NSD1: variants seen among roughly 807,000 people sequenced by gnomAD.
NSD1 encodes the protein nuclear receptor binding SET domain protein 1.
Under a neutral mutation model 242.7 loss-of-function variants are expected in NSD1, and 26 were observed. The observed-to-expected ratio is 0.11, with a 90% confidence interval of 0.08 to 0.15. NSD1 has a LOEUF of 0.15. NSD1 is among the 10% of genes least tolerant of loss of function. The probability of loss-of-function intolerance (pLI) is 1.00; values close to 1 mark genes in which losing one functional copy is unlikely to be tolerated. For synonymous variants in NSD1, 1,106 were observed against 1,178.1 expected (o/e 0.94, Z 1.25); for missense variants, 2,495 against 3,272.8 (o/e 0.76, Z 5.80).
At chr5:177,257,519 C>A (rs561458693) in intron 13 of NSD1, among the ~76,000 whole-genome samples, 35 of 152,252 alleles carry the variant, frequency 2.3e-4, no homozygotes, top group African/African-American at 6.7e-4. Context: ...GCGTGAGCCG[C>A]TGCGCCCGGC....
At chr5:177,187,250 A>G (rs1185538003) in intron 2 of NSD1, among the ~76,000 whole-genome samples, 1 of 151,838 alleles carries the variant, frequency 6.6e-6, no homozygotes, top group African/African-American at 2.4e-5. Context: ...GATTACAGGC[A>G]CACACCACCA....
intron 11 of NSD1, among the ~76,000 whole-genome samples, chr5:177,249,520 G>A (rs1755736168): frequency 1.3e-5 from 2 of 151,914 alleles, no homozygotes; most frequent in South Asian, 4.1e-4. Context: ...AGGCTGCAGT[G>A]CAGTGGCGCG....
At chr5:177,152,842 C>T (rs1396131684) in intron 2 of NSD1, among the ~76,000 whole-genome samples, 9 of 150,260 alleles carry the variant, frequency 6.0e-5, no homozygotes, top group Admixed American at 1.3e-4. Flanking sequence ...GTGCCCTCAA[C>T]GCCTGGGTAA....
At chr5:177,212,418 C>T (rs1266115267) in intron 5 of NSD1, among the ~76,000 whole-genome samples, 3 of 151,844 alleles carry the variant, frequency 2.0e-5, no homozygotes, top group Non-Finnish European at 4.4e-5. Flanking sequence ...CCCTTTTCCC[C>T]AACCTTTTCA....
chr5:177,153,895 C>T (rs978363842), intron 2 of NSD1, among the ~76,000 whole-genome samples: 15 of 152,124 alleles, frequency 9.9e-5, no homozygotes, highest in Admixed American at 9.8e-4. Flanking sequence ...TCTGCTCTAT[C>T]AGTTATCCCT....
At chr5:177,248,100 C>T (rs949491769) in intron 10 of NSD1, 81 bp from the exon 11 acceptor site, 10 of 1,583,502 alleles carry the variant, frequency 6.3e-6, no homozygotes, top group African/African-American at 2.7e-5. Flanking sequence ...AATGGCTAGA[C>T]AAATAGCAGC....
At chr5:177,163,568 T>G (rs1232976215) in intron 2 of NSD1, among the ~76,000 whole-genome samples, 1 of 152,180 alleles carries the variant, frequency 6.6e-6, no homozygotes. Context: ...CCTCTCAACC[T>G]TAGTTTTTAA....
chr5:177,205,193 C>T (rs1473687821), intron 4 of NSD1, among the ~76,000 whole-genome samples: 1 of 152,072 alleles, frequency 6.6e-6, no homozygotes, highest in Non-Finnish European at 1.5e-5. Context: ...CCCGCCACCA[C>T]ACCTGGCTAA....
In NSD1 at chr5:177,295,978, C is replaced by G. The variant is rs546772005; in HGVS notation, c.*519C>G. The G allele has an allele frequency of 7.6e-6, 2 of 261,664 alleles. No individual in the cohort carries two copies. The highest frequency in any genetic ancestry group is 2.1e-4 in the South Asian group (2 of 9,686). The allele number at this position is 261,664 out of a possible 1,614,324, so 16.2% of individuals were successfully genotyped here. A position where few individuals can be genotyped will look rare whatever the true frequency, so the allele number is the denominator to read the frequency against. Reference sequence around the variant, plus strand: ...GGCCTCATCCCTGTGAGCCTGGATTCCAAGGCTTTCAGGAACCTTTGACCA... The same window carrying G: ...GGCCTCATCCCTGTGAGCCTGGATTGCAAGGCTTTCAGGAACCTTTGACCA... On this transcript the variant is annotated 3_prime_UTR_variant, in exon 23 of 23. Transcript: ENST00000439151. This position sits in a 1 kb window ranked among gnomAD's most constrained non-coding sequence, Gnocchi z 4.3.
chr5:177,158,594 TC>T (rs1300916436), intron 2 of NSD1, among the ~76,000 whole-genome samples: 1 of 152,022 alleles, frequency 6.6e-6, no homozygotes, highest in Non-Finnish European at 1.5e-5. Flanking sequence ...CACCTCGGCC[TC>T]CCAAAGTGCC....
At chr5:177,246,642 A>C in intron 9 of NSD1, 36 bp from the exon 10 acceptor site, 1 of 1,381,976 alleles carries the variant, frequency 7.2e-7, no homozygotes, top group Non-Finnish European at 1.0e-6. Flanking sequence ...CATGTGTGTT[A>C]GTAGCCAGCA....
chr5:177,228,174 G>A (rs748138075), intron 5 of NSD1, among the ~76,000 whole-genome samples: 27 of 151,942 alleles, frequency 1.8e-4, no homozygotes, highest in African/African-American at 2.9e-4. Flanking sequence ...GTGCAATGCA[G>A]TTATTTTGGG....
At chr5:177,276,650 C>T (rs555204387) in intron 17 of NSD1, among the ~76,000 whole-genome samples, 4 of 152,138 alleles carry the variant, frequency 2.6e-5, no homozygotes, top group South Asian at 4.2e-4. Context: ...TTTCTCCCCC[C>T]CTTTATTAGA....
At chr5:177,184,700 G>T (rs530301206) in intron 2 of NSD1, among the ~76,000 whole-genome samples, 2 of 151,820 alleles carry the variant, frequency 1.3e-5, no homozygotes, top group Non-Finnish European at 2.9e-5. Context: ...GCCTGGTGTG[G>T]GTGTGTGTGG....
intron 2 of NSD1, among the ~76,000 whole-genome samples, chr5:177,183,999 A>G (rs1443213934): frequency 1.3e-5 from 2 of 152,198 alleles, no homozygotes; most frequent in Non-Finnish European, 2.9e-5. Context: ...ATAACACTCC[A>G]TTATGTATAT....
chr5:177,251,963 A>G (rs1756003376), intron 12 of NSD1, 110 bp downstream of exon 12: 1 of 1,352,478 alleles, frequency 7.4e-7, no homozygotes, highest in African/African-American at 1.4e-5. Context: ...GCTAGTTGTT[A>G]CAGATATAGA....
intron 2 of NSD1, among the ~76,000 whole-genome samples, chr5:177,175,475 TA>T (rs915319507): frequency 2.0e-5 from 3 of 151,846 alleles, no homozygotes; most frequent in Non-Finnish European, 4.4e-5. Context: ...AAAAAAATTT[TA>T]AATTTAGCCA....
intron 17 of NSD1, among the ~76,000 whole-genome samples, chr5:177,278,770 A>AT (rs1194939927): frequency 6.6e-6 from 1 of 152,140 alleles, no homozygotes; most frequent in African/African-American, 2.4e-5. Flanking sequence ...AACAGTCAAA[A>AT]TTTTTTGTGC....
chr5:177,282,551 C>A lies in NSD1; in HGVS notation c.5979C>A (p.Ile1993=), dbSNP rs774167541. Residue 1993 remains isoleucine, a synonymous_variant, in exon 19 of 23, where the codon ATC becomes ATA. Coordinates refer to ENST00000439151, the MANE Select transcript of NSD1 (RefSeq NM_022455.5). ...ARIRYAQEHD[I]TNFYMLTLDK... ...TTCGCTATGCTCAAGAACATGATAT[C>A]ACTAATTTCTATATGCTCACCCTAG... 1.2e-6 allele frequency: 2 copies of A among 1,611,752 alleles called. No homozygotes were observed. Among genetic ancestry groups the A allele is most frequent in the Non-Finnish European group, 1.7e-6 (2 of 1,177,894 alleles).
Sources: allele counts gnomAD v4.1 joint callset (sites outside exome capture counted in the v4.1 genomes callset), GRCh38; gene constraint gnomAD v4.1.1; non-coding constraint Gnocchi (gnomAD v3.1); transcripts MANE v1.5; gene names NCBI Gene and HGNC (gene_info 2026-07-23, HGNC 2026-07-21).